Variants in CASC3 observed in about 807,000 individuals in gnomAD.
CASC3 encodes protein CASC3.
CASC3 carries 30 observed loss-of-function variants against 80.5 expected under a neutral mutation model. The ratio of observed to expected loss-of-function variants is 0.37; its 90% confidence interval spans 0.28 to 0.51. CASC3 has a LOEUF of 0.51. Ranked by LOEUF, CASC3 falls within the 20% of genes least tolerant of loss-of-function variation. The probability of loss-of-function intolerance (pLI) is 0.94; values close to 1 mark genes in which losing one functional copy is unlikely to be tolerated. For synonymous variants in CASC3, 312 were observed against 333.6 expected (o/e 0.94, Z 0.70); for missense variants, 824 against 922.2 (o/e 0.89, Z 1.38).
Position 40,140,624 on chromosome 17 carries a change from G to T in CASC3, c.76G>T (p.Gly26Cys). 6.2e-7 allele frequency: 1 copy of T among 1,610,762 alleles called. No individual in the cohort carries two copies. Among genetic ancestry groups the T allele is most frequent in the East Asian group, 2.2e-5 (1 of 44,800 alleles). Residue 26 changes from glycine to cysteine, a missense_variant, in exon 1 of 14, where the codon GGC becomes TGC. Gly to Cys is a radical substitution (Grantham distance 159). Coordinates refer to ENST00000264645, the MANE Select transcript of CASC3 (RefSeq NM_007359.5). ...ATCTGGTGCTTCGGGCTCCGACAGC[G>T]GCGGCTCCCCGTTGCGGGGAGGCGG... Reference protein sequence around the residue: ...EESGASGSDSGGSPLRGGGSC... With the variant: ...EESGASGSDSCGSPLRGGGSC...
intron 1 of CASC3, 36 bp downstream of exon 1, chr17:40,140,815 G>C: frequency 1.6e-6 from 2 of 1,266,286 alleles, no homozygotes; most frequent in Non-Finnish European, 2.1e-6. Flanking sequence ...TGGGGACCGG[G>C]CGGCGAGCCG....
intron 10 of CASC3, 95 bp from the exon 11 acceptor site, chr17:40,168,108 C>A: frequency 7.6e-7 from 1 of 1,317,712 alleles, no homozygotes; most frequent in South Asian, 1.2e-5. Context: ...CTGAGGACTT[C>A]CATTCTGAGC....
At chr17:40,167,969 T>C in intron 10 of CASC3, 21 bp downstream of exon 10, 3 of 1,602,028 alleles carry the variant, frequency 1.9e-6, no homozygotes, top group Non-Finnish European at 8.6e-7. Flanking sequence ...TGTCTCTGCT[T>C]ATATGCTTCC....
chr17:40,159,751 CTT>C (rs1989247442), intron 3 of CASC3, among the ~76,000 whole-genome samples: 1 of 127,292 alleles, frequency 7.9e-6, no homozygotes, highest in Non-Finnish European at 1.6e-5. Flanking sequence ...GGGTCTCACT[CTT>C]TTGCCCAGAC....
At chr17:40,143,709 A>G (rs1310883254) in intron 3 of CASC3, among the ~76,000 whole-genome samples, 5 of 152,076 alleles carry the variant, frequency 3.3e-5, no homozygotes, top group Admixed American at 2.0e-4. Context: ...ACGCCCCTGT[A>G]GTCCCAGCTA....
intron 1 of CASC3, 67 bp from the exon 2 acceptor site, chr17:40,141,140 A>G: frequency 6.9e-7 from 1 of 1,444,624 alleles, no homozygotes; most frequent in East Asian, 2.3e-5. Flanking sequence ...TTTCACCCAC[A>G]TTTCTTTATT....
chr17:40,168,613 A>G, intron 11 of CASC3, 196 bp downstream of exon 11: 1 of 577,020 alleles, frequency 1.7e-6, no homozygotes. Context: ...TATTCTTTTC[A>G]GTTTTTTTCT....
intron 7 of CASC3, among the ~76,000 whole-genome samples, chr17:40,164,749 C>CGTTTTT (rs1567683752): frequency 3.1e-4 from 27 of 87,842 alleles, no homozygotes; most frequent in African/African-American, 1.8e-3. Context: ...CCGTGCCTGG[C>CGTTTTT]CTTTTTTTTT....
At chr17:40,169,164 C>A in intron 11 of CASC3, 160 bp from the exon 12 acceptor site, 1 of 755,280 alleles carries the variant, frequency 1.3e-6, no homozygotes. Context: ...AGAATTAAGG[C>A]AAAAATGAAT....
intron 3 of CASC3, among the ~76,000 whole-genome samples, chr17:40,143,084 C>G (rs1331455466): frequency 7.1e-6 from 1 of 141,556 alleles, no homozygotes; most frequent in East Asian, 2.0e-4. Context: ...GAGACTCTGT[C>G]TCAAAAAAAA....
chr17:40,168,368 C>T lies in CASC3; in HGVS notation c.1916C>T (p.Pro639Leu). ...NFGNPSYPYA[P>L]GALPPPPPPH... ...GGTAATCCCAGTTACCCTTATGCTC[C>T]AGGGGCACTGCCTCCCCCACCACCG... is the stretch of plus-strand genomic sequence containing the variant. The change falls in exon 11 of 14, where the codon CCA (proline) becomes CTA (leucine). Residue 639 changes from proline to leucine, a missense_variant. Coordinates refer to ENST00000264645, the MANE Select transcript of CASC3 (RefSeq NM_007359.5). 1.2e-6 allele frequency: 2 copies of T among 1,614,078 alleles called. No individual in the cohort carries two copies. Among genetic ancestry groups the T allele is most frequent in the South Asian group, 2.2e-5 (2 of 91,066 alleles).
intron 6 of CASC3, among the ~76,000 whole-genome samples, chr17:40,163,191 A>G (rs377075808): frequency 6.6e-6 from 1 of 152,074 alleles, no homozygotes; most frequent in Non-Finnish European, 1.5e-5. Flanking sequence ...CTGGAGTGCA[A>G]TGGCATGTTC....
rs1460452907 is a variant in CASC3 at position 40,163,615 on chromosome 17, T to A, written c.920T>A (p.Met307Lys). 4 of 1,614,052 alleles carry A rather than the reference T, an allele frequency of 2.5e-6. No homozygotes were observed. Among genetic ancestry groups the A allele is most frequent in the African/African-American group, 2.7e-5 (2 of 74,918 alleles). The change falls in exon 7 of 14, where the codon ATG becomes AAG. Residue 307 changes from methionine (M) to lysine (K), a missense_variant. Transcript: ENST00000264645. The part of the protein sequence containing the change: ...INRNAAGTGR[M>K]SAPRNYSRSG... Reference sequence around the variant, plus strand: ...AGGAATGCTGCAGGTACCGGCCGTATGTCTGCACCCAGGAATTATTCTCGA... The same window carrying A: ...AGGAATGCTGCAGGTACCGGCCGTAAGTCTGCACCCAGGAATTATTCTCGA...
In CASC3 at chr17:40,162,896, A is replaced by T. The variant is rs1567682680; in HGVS notation, c.780A>T (p.Lys260Asn). ...ACATCAAACCTCGAAGAATCCGGAA[A>T]CCCCGGTGAGGACATTTTAGAACAT... Reference protein sequence around the residue: ...PDDIKPRRIRKPRYGSPPQRD... With the variant: ...PDDIKPRRIRNPRYGSPPQRD... Residue 260 changes from lysine to asparagine, a missense_variant, in exon 6 of 14, where the codon AAA (lysine) becomes AAT (asparagine). Physicochemically the swap from Lys to Asn is moderately conservative, Grantham distance 94. Transcript: ENST00000264645. The T allele has an allele frequency of 6.2e-7, 1 of 1,613,508 alleles. No individual in the cohort carries two copies. Among genetic ancestry groups the T allele is most frequent in the Non-Finnish European group, 8.5e-7 (1 of 1,179,752 alleles).
At position 40,171,524 on chromosome 17, in the gene CASC3, C is replaced by T; in HGVS notation, c.*1119C>T. 5.1e-6 allele frequency: 5 copies of T among 989,398 alleles called. No homozygotes were observed. The highest frequency in any genetic ancestry group is 6.0e-6 in the Non-Finnish European group (5 of 831,990). The allele number at this position is 989,398 out of a possible 1,614,324, so 61.3% of individuals were successfully genotyped here. A position where few individuals can be genotyped will look rare whatever the true frequency, so the allele number is the denominator to read the frequency against. On this transcript the variant is annotated 3_prime_UTR_variant, in exon 14 of 14. Coordinates refer to ENST00000264645, the MANE Select transcript of CASC3 (RefSeq NM_007359.5). ...GCTACAAGTGTTTTAGATGTTACTA[C>T]CTTATTTTCCCCGAATTCTATTTTT...
chr17:40,169,715 T>A, intron 13 of CASC3, 53 bp downstream of exon 13: 1 of 728,736 alleles, frequency 1.4e-6, no homozygotes, highest in Non-Finnish European at 2.1e-6. Flanking sequence ...CACACTTGCT[T>A]AATAAACAAA....
Position 40,168,572 on chromosome 17 carries a change from G to A in CASC3, c.1965+155G>A, listed in dbSNP as rs565281397. 12 of 668,016 alleles carry A rather than the reference G, an allele frequency of 1.8e-5. No homozygotes were observed. The Admixed American group carries it at 3.2e-4, about 18-fold the overall frequency. The allele number at this position is 668,016 out of a possible 1,614,324, so 41.4% of individuals were successfully genotyped here. On this transcript the variant is annotated intron_variant, in intron 11 of 13. Coordinates refer to ENST00000264645, the MANE Select transcript of CASC3 (RefSeq NM_007359.5). Reference sequence around the variant, plus strand: ...GACGCCTCTTAGTGGTCAGGAGCTGGAAATGCAGCTTATGTAATGCCCATC... The same window carrying A: ...GACGCCTCTTAGTGGTCAGGAGCTGAAAATGCAGCTTATGTAATGCCCATC...
Position 40,171,214 on chromosome 17 carries a change from G to A in CASC3, c.*809G>A. On this transcript the variant is annotated 3_prime_UTR_variant, in exon 14 of 14. Coordinates refer to ENST00000264645, the MANE Select transcript of CASC3 (RefSeq NM_007359.5). ...CTATGATGGGCTTCTGTTCTCTGCTGAGGGCCAATACCCTACTGTGGGGAG... is the reference window on the plus strand; with the variant it reads ...CTATGATGGGCTTCTGTTCTCTGCTAAGGGCCAATACCCTACTGTGGGGAG... 1 of 985,988 alleles carries A rather than the reference G, an allele frequency of 1.0e-6. No individual in the cohort carries two copies. Among genetic ancestry groups the A allele is most frequent in the Non-Finnish European group, 1.2e-6 (1 of 829,936 alleles). The allele number at this position is 985,988 out of a possible 1,614,324, so 61.1% of individuals were successfully genotyped here.
intron 11 of CASC3, 137 bp downstream of exon 11, chr17:40,168,554 C>T: frequency 1.3e-6 from 1 of 750,870 alleles, no homozygotes; most frequent in Non-Finnish European, 2.2e-6. Flanking sequence ...CAAGACGCCT[C>T]TTAGTGGTCA....
Sources: allele counts gnomAD v4.1 joint callset (sites outside exome capture counted in the v4.1 genomes callset), GRCh38; gene constraint gnomAD v4.1.1; transcripts MANE v1.5; gene names NCBI Gene and HGNC (gene_info 2026-07-23, HGNC 2026-07-21).